Variants in OR4E2 observed in about 807,000 individuals in gnomAD.
The protein encoded by OR4E2 is olfactory receptor family 4 subfamily E member 2.
Under a neutral mutation model 11.0 loss-of-function variants are expected in OR4E2, and 9 were observed. That is an observed-to-expected ratio of 0.82 (90% confidence interval 0.49 to 1.43). The LOEUF is 1.43. OR4E2 is among the 40% of genes most tolerant of loss of function. OR4E2 has a pLI of 0.00. For synonymous variants in OR4E2, 159 were observed against 147.3 expected (o/e 1.08, Z -0.57); for missense variants, 441 against 382.0 (o/e 1.15, Z -1.29).
chr14:21,654,523 G>A (rs2139792735), intron 1 of OR4E2, among the ~76,000 whole-genome samples: 1 of 151,992 alleles, frequency 6.6e-6, no homozygotes, highest in East Asian at 1.9e-4. Flanking sequence ...GTATACATGG[G>A]AGGATTGGTT....
chr14:21,659,548 A>G (rs552128443), intron 2 of OR4E2, among the ~76,000 whole-genome samples: 4 of 152,204 alleles, frequency 2.6e-5, no homozygotes, highest in African/African-American at 4.8e-5. Flanking sequence ...TTCAAATTCC[A>G]TTTTAGCCAG....
chr14:21,664,312 T>C (rs577913734), intron 3 of OR4E2, among the ~76,000 whole-genome samples: 1 of 152,294 alleles, frequency 6.6e-6, no homozygotes, highest in Admixed American at 6.5e-5. Context: ...TGGTATCTCA[T>C]TGTGGTTTTG....
intron 1 of OR4E2, among the ~76,000 whole-genome samples, chr14:21,655,821 A>C (rs1408023248): frequency 6.6e-6 from 1 of 152,212 alleles, no homozygotes; most frequent in African/African-American, 2.4e-5. Flanking sequence ...GCGTCTTAAA[A>C]TGCAGTTCCA....
chr14:21,664,072 T>C (rs1175027149), intron 3 of OR4E2, among the ~76,000 whole-genome samples: 1 of 152,220 alleles, frequency 6.6e-6, no homozygotes, highest in East Asian at 1.9e-4. Flanking sequence ...TACATGTACA[T>C]GTATCTTTAT....
chr14:21,657,838 C>T (rs1594544302), intron 2 of OR4E2, among the ~76,000 whole-genome samples: 1 of 152,278 alleles, frequency 6.6e-6, no homozygotes, highest in South Asian at 2.1e-4. Flanking sequence ...GATCCACCCC[C>T]TCGGCCTCCT....
chr14:21,664,649 G>A (rs1177854422), intron 3 of OR4E2, among the ~76,000 whole-genome samples: 1 of 152,178 alleles, frequency 6.6e-6, no homozygotes, highest in Non-Finnish European at 1.5e-5. Context: ...AAATGAAAAT[G>A]TGCAGCAGAC....
At chr14:21,663,911 T>G (rs1422839185) in intron 3 of OR4E2, among the ~76,000 whole-genome samples, 1 of 152,242 alleles carries the variant, frequency 6.6e-6, no homozygotes, top group Non-Finnish European at 1.5e-5. Context: ...AGTCTATCCA[T>G]GTCCCTGCAA....
intron 2 of OR4E2, among the ~76,000 whole-genome samples, chr14:21,657,468 C>T (rs1034303650): frequency 1.2e-4 from 12 of 103,324 alleles, no homozygotes; most frequent in African/African-American, 4.3e-4. Context: ...TCCTTCCTTC[C>T]TTCCTTCCTT....
Position 21,665,786 on chromosome 14 carries a change from A to T in OR4E2, c.704A>T (p.Lys235Ile). The stretch of plus-strand genomic sequence containing the variant: ...AAACACTCAGCTGAAGGGCGCCGGA[A>T]AGCCCTGTCTACCTGCTCGGCCCAC... Reference protein sequence around the residue: ...LRKHSAEGRRKALSTCSAHFM... With the variant: ...LRKHSAEGRRIALSTCSAHFM... Residue 235 changes from lysine (K) to isoleucine (I), a missense_variant, in exon 4 of 4, where the codon AAA (lysine) becomes ATA (isoleucine). Transcript: ENST00000641524. 6.2e-7 allele frequency: 1 copy of T among 1,613,922 alleles called. No homozygotes were observed.
intron 2 of OR4E2, 21 bp from the exon 3 acceptor site, chr14:21,660,627 ATCTAT>A (rs1297356717): frequency 3.4e-5 from 3 of 87,966 alleles, no homozygotes; most frequent in African/African-American, 1.5e-4. Context: ...ATTTAATCTG[ATCTAT>A]TTTTTTTTTT....
At chr14:21,654,513 G>A (rs1197872437) in intron 1 of OR4E2, among the ~76,000 whole-genome samples, 5 of 151,682 alleles carry the variant, frequency 3.3e-5, no homozygotes, top group Admixed American at 3.3e-4. Flanking sequence ...TAGTCCTTTG[G>A]TATACATGGG....
rs1353560839 is a variant in OR4E2, at chr14:21,665,312, C to T, written c.230C>T (p.Thr77Ile). The T allele has an allele frequency of 4.3e-6, 7 of 1,614,024 alleles. No homozygotes were observed. The highest frequency in any genetic ancestry group is 4.0e-5 in the African/African-American group (3 of 74,932). The part of the protein sequence containing the change: ...SFIDICHSSV[T>I]VPKMLEGLLL... Reference sequence around the variant, plus strand: ...ATTGACATCTGCCACTCATCTGTCACTGTGCCTAAGATGTTGGAGGGTTTG... The same window carrying T: ...ATTGACATCTGCCACTCATCTGTCATTGTGCCTAAGATGTTGGAGGGTTTG... The change falls in exon 4 of 4, where the codon ACT becomes ATT. Residue 77 changes from threonine (T) to isoleucine (I), a missense_variant. Physicochemically the swap from Thr to Ile is moderately conservative, Grantham distance 89. Transcript: ENST00000641524.
At chr14:21,662,217 CT>C (rs1880366264) in intron 3 of OR4E2, among the ~76,000 whole-genome samples, 1 of 150,802 alleles carries the variant, frequency 6.6e-6, no homozygotes, top group South Asian at 2.2e-4. Flanking sequence ...CAGGAGTATT[CT>C]TTTTTGGTTA....
chr14:21,660,191 G>A (rs941117693), intron 2 of OR4E2, among the ~76,000 whole-genome samples: 4 of 152,164 alleles, frequency 2.6e-5, no homozygotes, highest in East Asian at 1.9e-4. Flanking sequence ...CACAAGGAGT[G>A]CACAATCTAG....
intron 3 of OR4E2, among the ~76,000 whole-genome samples, chr14:21,664,073 G>A (rs1880488509): frequency 6.6e-6 from 1 of 152,156 alleles, no homozygotes; most frequent in South Asian, 2.1e-4. Flanking sequence ...ACATGTACAT[G>A]TATCTTTATA....
At chr14:21,661,108 T>C (rs1232384988) in intron 3 of OR4E2, among the ~76,000 whole-genome samples, 13 of 152,166 alleles carry the variant, frequency 8.5e-5, no homozygotes, top group African/African-American at 3.1e-4. Context: ...ATGCTTATTA[T>C]ACAAACTTGA....
In OR4E2 at chr14:21,667,365, G is replaced by A. The variant is rs181461156; in HGVS notation, c.*1341G>A. On this transcript the variant is annotated 3_prime_UTR_variant, in exon 4 of 4. Transcript: ENST00000641524. ...TACAGACATACACAATACAGAGTGA[G>A]TGACCCACTAACTCTAACTAAAGAG... is the stretch of plus-strand genomic sequence containing the variant. 41 of 152,186 alleles carry A rather than the reference G, an allele frequency of 2.7e-4. No homozygotes were observed. The highest frequency in any genetic ancestry group is 9.9e-4 in the African/African-American group (41 of 41,514). 9.4% of individuals were successfully genotyped at this position (152,186 alleles called of 1,614,324 possible). A position where few individuals can be genotyped will look rare whatever the true frequency, so the allele number is the denominator to read the frequency against.
At chr14:21,654,717 A>G (rs1879849502) in intron 1 of OR4E2, among the ~76,000 whole-genome samples, 1 of 151,290 alleles carries the variant, frequency 6.6e-6, no homozygotes, top group South Asian at 2.1e-4. Context: ...TCAAGAGTCA[A>G]CTGTGTGTAT....
In OR4E2 at chr14:21,665,308, G is replaced by C; in HGVS notation, c.226G>C (p.Val76Leu). ...CTTTATTGACATCTGCCACTCATCT[G>C]TCACTGTGCCTAAGATGTTGGAGGG... ...LSFIDICHSSVTVPKMLEGLL... is the reference protein window; with the variant it reads ...LSFIDICHSSLTVPKMLEGLL... The change falls in exon 4 of 4, where the codon GTC (valine) becomes CTC (leucine). Residue 76 changes from valine (V) to leucine (L), a missense_variant. Val to Leu is a conservative substitution (Grantham distance 32). Transcript: ENST00000641524. 4 of 1,614,090 alleles carry C rather than the reference G, an allele frequency of 2.5e-6. No homozygotes were observed. The highest frequency in any genetic ancestry group is 3.4e-6 in the Non-Finnish European group (4 of 1,179,978).
Sources: allele counts gnomAD v4.1 joint callset (sites outside exome capture counted in the v4.1 genomes callset), GRCh38; gene constraint gnomAD v4.1.1; transcripts MANE v1.5; gene names NCBI Gene and HGNC (gene_info 2026-07-23, HGNC 2026-07-21).